Variants in SH3KBP1 observed in about 807,000 individuals in gnomAD.
SH3KBP1 encodes SH3 domain-containing kinase-binding protein 1.
SH3KBP1 carries 8 observed loss-of-function variants against 50.1 expected under a neutral mutation model. The observed-to-expected ratio is 0.16, with a 90% CI of 0.09 to 0.29. SH3KBP1 has a LOEUF of 0.29. Among genes scored for constraint, SH3KBP1 ranks in the 10% least tolerant of loss-of-function variants. SH3KBP1 has a pLI of 1.00. For synonymous variants in SH3KBP1, 227 were observed against 218.6 expected (o/e 1.04, Z -0.34); for missense variants, 377 against 535.2 (o/e 0.70, Z 2.92).
intron 3 of SH3KBP1, among the ~76,000 whole-genome samples, chrX:19,722,089 CTG>C (rs1230508221): frequency 8.9e-6 from 1 of 112,349 alleles, no homozygotes; most frequent in Non-Finnish European, 1.9e-5. Flanking sequence ...CATTTGGACT[CTG>C]TTCATTGGAA....
intron 2 of SH3KBP1, among the ~76,000 whole-genome samples, chrX:19,749,134 A>G (rs1210729072): frequency 8.9e-6 from 1 of 112,614 alleles, no homozygotes; most frequent in Non-Finnish European, 1.9e-5. Context: ...ATTTTAAAAG[A>G]AAACAAGTGT....
chrX:19,577,058 C>T (rs1343329920), intron 12 of SH3KBP1, among the ~76,000 whole-genome samples: 2 of 112,434 alleles, frequency 1.8e-5, no homozygotes, highest in Admixed American at 1.9e-4. Context: ...TCTCCCTCTG[C>T]CCAATCCTTC....
At chrX:19,877,112 T>C (rs759876142) in intron 1 of SH3KBP1, among the ~76,000 whole-genome samples, 1 of 112,228 alleles carries the variant, frequency 8.9e-6, no homozygotes, top group East Asian at 2.8e-4. Flanking sequence ...ACCTACTGTA[T>C]TTGAGTTGAC....
chrX:19,842,249 C>T (rs919768992), intron 1 of SH3KBP1, among the ~76,000 whole-genome samples: 4 of 112,307 alleles, frequency 3.6e-5, no homozygotes, highest in Non-Finnish European at 3.8e-5. Flanking sequence ...AAAAATTGGC[C>T]GGGCGCAGTG....
intron 6 of SH3KBP1, among the ~76,000 whole-genome samples, chrX:19,646,248 G>A (rs1010652891): frequency 2.7e-5 from 3 of 111,873 alleles, no homozygotes; most frequent in East Asian, 2.8e-4. Flanking sequence ...CTTCATTTGC[G>A]GCTAATTCTA....
At chrX:19,542,418 G>C (rs779525174) in intron 15 of SH3KBP1, among the ~76,000 whole-genome samples, 47 of 111,830 alleles carry the variant, frequency 4.2e-4, no homozygotes, top group African/African-American at 1.5e-3. Flanking sequence ...CTTCTTTCTG[G>C]ACAGAGAGTT....
At chrX:19,678,816 G>A (rs942365599) in intron 6 of SH3KBP1, among the ~76,000 whole-genome samples, 13 of 110,841 alleles carry the variant, frequency 1.2e-4, no homozygotes, top group Non-Finnish European at 1.7e-4. Context: ...GAATACTTTC[G>A]CTAAACCACC....
At chrX:19,626,363 A>G (rs2148244753) in intron 8 of SH3KBP1, among the ~76,000 whole-genome samples, 1 of 107,079 alleles carries the variant, frequency 9.3e-6, no homozygotes, top group East Asian at 2.8e-4. Context: ...CTCCTGGCAC[A>G]CCATAAATAT....
intron 6 of SH3KBP1, among the ~76,000 whole-genome samples, chrX:19,651,632 A>G (rs968408908): frequency 1.8e-5 from 2 of 112,794 alleles, no homozygotes; most frequent in African/African-American, 6.4e-5. Context: ...GAATTCAAAT[A>G]TATTAAACCT....
At chrX:19,571,417 G>A (rs2066003840) in intron 12 of SH3KBP1, among the ~76,000 whole-genome samples, 1 of 111,887 alleles carries the variant, frequency 8.9e-6, no homozygotes, top group South Asian at 3.7e-4. Flanking sequence ...GCCCCACCAG[G>A]GCCATTGCCT....
intron 6 of SH3KBP1, among the ~76,000 whole-genome samples, chrX:19,657,363 G>A (rs753177390): frequency 4.8e-4 from 44 of 91,869 alleles, no homozygotes; most frequent in African/African-American, 1.9e-3. Flanking sequence ...CTGGGTGACA[G>A]AGCAAGATCC....
chrX:19,829,992 G>A (rs922661617), intron 2 of SH3KBP1, among the ~76,000 whole-genome samples: 1 of 111,131 alleles, frequency 9.0e-6, no homozygotes, highest in Non-Finnish European at 1.9e-5. Context: ...GGCACCGTTG[G>A]GAGTGTAGCA....
chrX:19,575,886 T>TC (rs2066181372), intron 12 of SH3KBP1, among the ~76,000 whole-genome samples: 1 of 111,867 alleles, frequency 8.9e-6, no homozygotes, highest in East Asian at 2.8e-4. Flanking sequence ...CCCTCAGTGG[T>TC]CCCTGTTCTC....
intron 6 of SH3KBP1, among the ~76,000 whole-genome samples, chrX:19,672,639 G>A (rs1359999041): frequency 8.9e-6 from 1 of 111,966 alleles, no homozygotes; most frequent in Admixed American, 9.5e-5. Flanking sequence ...GAAAGTCTGG[G>A]AAACTGTTAA....
At chrX:19,785,290 A>T (rs2066305530) in intron 2 of SH3KBP1, among the ~76,000 whole-genome samples, 1 of 108,879 alleles carries the variant, frequency 9.2e-6, no homozygotes, top group Non-Finnish European at 1.9e-5. Flanking sequence ...GGATGAGGTG[A>T]GCGGACTGCT....
At chrX:19,757,738 T>G in intron 2 of SH3KBP1, among the ~76,000 whole-genome samples, 1 of 110,923 alleles carries the variant, frequency 9.0e-6, no homozygotes. Context: ...CTCCCGGGCG[T>G]GCGTCCTTAA....
chrX:19,734,356 A>G (rs2064471983), intron 3 of SH3KBP1, among the ~76,000 whole-genome samples: 2 of 111,866 alleles, frequency 1.8e-5, no homozygotes, highest in Admixed American at 1.9e-4. Context: ...AAAGAAAAAT[A>G]TAAAGCTTTG....
At chrX:19,711,041 T>C (rs2063764757) in intron 3 of SH3KBP1, among the ~76,000 whole-genome samples, 1 of 111,621 alleles carries the variant, frequency 9.0e-6, no homozygotes, top group Non-Finnish European at 1.9e-5. Context: ...ACCCCCTTTT[T>C]ACAGACAAGA....
intron 3 of SH3KBP1, among the ~76,000 whole-genome samples, chrX:19,740,144 T>G (rs748569502): frequency 9.0e-6 from 1 of 111,408 alleles, no homozygotes; most frequent in Admixed American, 9.5e-5. Context: ...CTAGGCTCAA[T>G]AGGTTCAGAA....
Sources: allele counts gnomAD v4.1 joint callset (sites outside exome capture counted in the v4.1 genomes callset), GRCh38; gene constraint gnomAD v4.1.1; transcripts MANE v1.5; gene names NCBI Gene and HGNC (gene_info 2026-07-23, HGNC 2026-07-21).